The following NOL8 variants were observed in gnomAD, a reference collection of about 807,000 sequenced individuals.
NOL8 encodes nucleolar protein 8.
A neutral mutation model predicts 116.1 loss-of-function variants in NOL8; 93 were observed. The observed-to-expected ratio is 0.80, with a 90% CI of 0.68 to 0.95. NOL8 has a LOEUF of 0.95. Ranked by LOEUF, NOL8 falls within the 40% of genes least tolerant of loss-of-function variation. NOL8 has a pLI of 0.00. For synonymous variants in NOL8, 419 were observed against 469.0 expected, an observed-to-expected ratio of 0.89 and a Z score of 1.38; for missense variants, 1,291 against 1,382.8, an observed-to-expected ratio of 0.93 and a Z score of 1.05.
chr9:92,321,707 G>A lies in NOL8; in HGVS notation c.242C>T (p.Thr81Ile). 1 of 1,532,478 alleles carries A rather than the reference G, an allele frequency of 6.5e-7. No homozygotes were observed. The highest frequency in any genetic ancestry group is 8.8e-7 in the Non-Finnish European group (1 of 1,140,232). The allele number at this position is 1,532,478 out of a possible 1,614,324, so 94.9% of individuals were successfully genotyped here. A position where few individuals can be genotyped will look rare whatever the true frequency, so the allele number is the denominator to read the frequency against. Residue 81 changes from threonine to isoleucine, a missense_variant, in exon 4 of 17, where the codon ACA (threonine) becomes ATA (isoleucine). Transcript: ENST00000442668. ...TTCTTTTGCTAGTTGAATTTGTAATGTTCCACCTTTCCATTTTGTTTTATT... is the reference window on the plus strand; with the variant it reads ...TTCTTTTGCTAGTTGAATTTGTAATATTCCACCTTTCCATTTTGTTTTATT... ...VLNKTKWKGG[T>I]LQIQLAKESF...
chr9:92,317,957 C>T (rs1442388242), intron 6 of NOL8, among the ~76,000 whole-genome samples: 1 of 148,500 alleles, frequency 6.7e-6, no homozygotes, highest in Non-Finnish European at 1.5e-5. Flanking sequence ...ATTGCTTGAA[C>T]CCAGGAGGCA....
intron 3 of NOL8, chr9:92,323,214 T>G: frequency 8.2e-7 from 1 of 1,216,446 alleles, no homozygotes; most frequent in Non-Finnish European, 1.1e-6. Flanking sequence ...TATTTGAGAA[T>G]AGCAGTTTTA....
chr9:92,306,175 G>T lies in NOL8; in HGVS notation c.2826-345C>A, dbSNP rs957287306. On this transcript the variant is annotated intron_variant, in intron 11 of 16. Transcript: ENST00000442668. ...TGCCCGGCTAATTTTTATATTTTTAGTAGAGACGGGGTTTCACCATGTTGG... is the reference window on the plus strand; with the variant it reads ...TGCCCGGCTAATTTTTATATTTTTATTAGAGACGGGGTTTCACCATGTTGG... 9.2e-5 allele frequency among the ~76,000 whole-genome samples: 14 copies of T among 152,044 alleles called. 1 individual carries two copies. Among genetic ancestry groups the T allele is most frequent in the Admixed American group, 9.2e-4 (14 of 15,264 alleles).
intron 2 of NOL8, 22 bp from the exon 3 acceptor site, chr9:92,323,525 A>AAACG (rs1392481508): frequency 1.9e-6 from 3 of 1,580,056 alleles, no homozygotes; most frequent in Non-Finnish European, 2.6e-6. Flanking sequence ...ACAAACAAAC[A>AAACG]AACAAAACAA....
intron 14 of NOL8, 21 bp downstream of exon 14, chr9:92,299,869 G>C: frequency 6.2e-7 from 1 of 1,609,420 alleles, no homozygotes. Context: ...AACTATGCCT[G>C]CAAAGAAACA....
At position 92,297,692 on chromosome 9, in the gene NOL8, G is replaced by A; in HGVS notation, c.*144C>T. 1.6e-6 allele frequency: 1 copy of A among 621,740 alleles called. No individual in the cohort carries two copies. 38.5% of individuals were successfully genotyped at this position (621,740 alleles called of 1,614,324 possible). ...GCAGAGGAGTTCCACAGAAAAAGATGGCAACCAGAATGATATTCCGTCAGC... is the reference window on the plus strand; with the variant it reads ...GCAGAGGAGTTCCACAGAAAAAGATAGCAACCAGAATGATATTCCGTCAGC... On this transcript the variant is annotated 3_prime_UTR_variant, in exon 17 of 17. Coordinates refer to ENST00000442668, the MANE Select transcript of NOL8 (RefSeq NM_017948.6).
chr9:92,323,336 A>C, intron 3 of NOL8, 105 bp downstream of exon 3: 2 of 1,544,552 alleles, frequency 1.3e-6, no homozygotes, highest in Non-Finnish European at 1.7e-6. Flanking sequence ...GTCCCTCTGG[A>C]TAACGTGAAA....
chr9:92,319,405 G>T, intron 4 of NOL8, 49 bp from the exon 5 acceptor site: 1 of 1,478,248 alleles, frequency 6.8e-7, no homozygotes. Context: ...AATCAGCCAC[G>T]TAAAATGGTT....
chr9:92,316,026 T>TC lies in NOL8; in HGVS notation c.598dup (p.Asp200GlyfsTer5). On this transcript the variant is annotated frameshift_variant, in exon 7 of 17. Transcript: ENST00000442668. LOFTEE classifies it high-confidence loss of function. ...TCCTCGCCGTTTCTTACTCATAGGG[T>TC]CATTCCCTCCTTCTAATTCCCAAGT... The TC allele has an allele frequency of 6.2e-7, 1 of 1,613,952 alleles. No homozygotes were observed. Among genetic ancestry groups the TC allele is most frequent in the South Asian group, 1.1e-5 (1 of 91,074 alleles).
rs143173079 is a variant in NOL8, at chr9:92,321,583, T to C, written c.281+85A>G. On this transcript the variant is annotated intron_variant, in intron 4 of 16. Transcript: ENST00000442668. ...TGAATTTGTTAAGAATATAATACTA[T>C]ATTACTTGATAATTTGAAATAATAT... 1.0e-2 allele frequency: 7,521 copies of C among 755,878 alleles called. 47 individuals are homozygous for C. The highest frequency in any genetic ancestry group is 0.014 in the Middle Eastern group (39 of 2,780). The allele number at this position is 755,878 out of a possible 1,614,324, so 46.8% of individuals were successfully genotyped here.
At chr9:92,316,928 T>C (rs538828394) in intron 6 of NOL8, among the ~76,000 whole-genome samples, 1 of 152,228 alleles carries the variant, frequency 6.6e-6, no homozygotes, top group African/African-American at 2.4e-5. Flanking sequence ...AGCATATGAA[T>C]AGGCAAGTAT....
At chr9:92,316,869 G>A (rs1339745110) in intron 6 of NOL8, among the ~76,000 whole-genome samples, 1 of 152,198 alleles carries the variant, frequency 6.6e-6, no homozygotes, top group Non-Finnish European at 1.5e-5. Context: ...AAAGATTCTA[G>A]TTAACATCGA....
chr9:92,309,191 A>G (rs960453688), intron 10 of NOL8, among the ~76,000 whole-genome samples: 2 of 152,214 alleles, frequency 1.3e-5, no homozygotes, highest in African/African-American at 4.8e-5. Context: ...ACAGTCCAAC[A>G]CTGTTAATAA....
At chr9:92,307,325 C>T (rs116251865) in intron 10 of NOL8, among the ~76,000 whole-genome samples, 5,373 of 152,114 alleles carry the variant, frequency 0.035, 133 homozygotes, top group Middle Eastern at 0.075. Context: ...TGTAATAGAG[C>T]AAGATACTAA....
At chr9:92,317,762 C>T (rs977285764) in intron 6 of NOL8, among the ~76,000 whole-genome samples, 8 of 152,080 alleles carry the variant, frequency 5.3e-5, no homozygotes, top group South Asian at 2.1e-4. Context: ...CGGTCAGGTG[C>T]GGTGGCTCAT....
chr9:92,318,540 G>C, intron 6 of NOL8, 78 bp downstream of exon 6: 1 of 1,004,870 alleles, frequency 1.0e-6, no homozygotes. Context: ...TCACTGATAA[G>C]AGACAGTGAA....
At chr9:92,303,695 T>G (rs1413738123) in intron 12 of NOL8, among the ~76,000 whole-genome samples, 1 of 152,180 alleles carries the variant, frequency 6.6e-6, no homozygotes, top group Non-Finnish European at 1.5e-5. Flanking sequence ...TTTCCAGCTA[T>G]GTGGGAGGCT....
chr9:92,303,072 G>A (rs1837888950), intron 12 of NOL8, among the ~76,000 whole-genome samples: 1 of 152,170 alleles, frequency 6.6e-6, no homozygotes, highest in African/African-American at 2.4e-5. Flanking sequence ...GTATATTCTG[G>A]TTTCATCCTA....
chr9:92,315,861 T>C lies in NOL8; in HGVS notation c.764A>G (p.Gln255Arg). The C allele has an allele frequency of 6.2e-7, 1 of 1,613,976 alleles. No homozygotes were observed. The highest frequency in any genetic ancestry group is 8.5e-7 in the Non-Finnish European group (1 of 1,179,884). ...AGTAATGGAATCACAAGTTCTTTTT[T>C]GTGCAGCCTGTTGCTGTGTTAAGGG... ...RPPLTQQQAA[Q>R]KRTCDSITPS... The change falls in exon 7 of 17, where the codon CAA becomes CGA. Residue 255 changes from glutamine (Q) to arginine (R), a missense_variant. Gln to Arg is a conservative substitution (Grantham distance 43). Coordinates refer to ENST00000442668, the MANE Select transcript of NOL8 (RefSeq NM_017948.6).
Sources: allele counts gnomAD v4.1 joint callset (sites outside exome capture counted in the v4.1 genomes callset), GRCh38; gene constraint gnomAD v4.1.1; transcripts MANE v1.5; gene names NCBI Gene and HGNC (gene_info 2026-07-23, HGNC 2026-07-21).